The following GRHPR variants were observed in gnomAD, a reference collection of about 807,000 sequenced individuals.
GRHPR encodes the protein glyoxylate and hydroxypyruvate reductase.
GRHPR carries 35 observed loss-of-function variants against 36.8 expected under a neutral mutation model. That is an observed-to-expected ratio of 0.95 (90% CI 0.73 to 1.26). The LOEUF is 1.26. GRHPR is among the 50% of genes most tolerant of loss of function. The pLI is 0.00. For missense variants in GRHPR, 380 were observed against 435.0 expected (o/e 0.87, Z 1.12); for synonymous variants, 179 against 181.0 (o/e 0.99, Z 0.09).
chr9:37,426,464 A>C, intron 3 of GRHPR, 74 bp from the exon 4 acceptor site: 1 of 995,794 alleles, frequency 1.0e-6, no homozygotes, highest in Non-Finnish European at 1.6e-6. Flanking sequence ...AAGTAACTCC[A>C]TGGAAATGTC....
rs762313648 is a variant in GRHPR at position 37,430,579 on chromosome 9, G to T, written c.667G>T (p.Glu223Ter). The T allele has an allele frequency of 1.2e-6, 2 of 1,613,406 alleles. No homozygotes were observed. The highest frequency in any genetic ancestry group is 2.2e-5 in the East Asian group (1 of 44,892). Residue 223 changes from glutamate (E) to a stop codon, truncating the protein, a stop_gained, in exon 7 of 9, where the codon GAG becomes TAG. Transcript: ENST00000318158. LOFTEE classifies it high-confidence loss of function. ...VVACSLTPAT[E>*]GLCNKDFFQK... ...GGCCTGCTCCTTAACACCTGCAACC[G>T]AGGGACTCTGCAACAAGGACTTCTT...
intron 1 of GRHPR, among the ~76,000 whole-genome samples, chr9:37,423,396 T>C (rs921436576): frequency 6.6e-6 from 1 of 151,734 alleles, no homozygotes; most frequent in Non-Finnish European, 1.5e-5. Context: ...TGGTCTCAAA[T>C]TCCTGGGCTC....
chr9:37,436,859 C>A lies in GRHPR; in HGVS notation c.*77C>A. 1 of 1,497,628 alleles carries A rather than the reference C, an allele frequency of 6.7e-7. No individual in the cohort carries two copies. Among genetic ancestry groups the A allele is most frequent in the South Asian group, 1.1e-5 (1 of 88,320 alleles). The allele number at this position is 1,497,628 out of a possible 1,614,324, so 92.8% of individuals were successfully genotyped here. Reference sequence around the variant, plus strand: ...AGACACACCCAGGCTTGATTTGGATCCACAGGCAGAGCCAAGGGAAGGTGT... The same window carrying A: ...AGACACACCCAGGCTTGATTTGGATACACAGGCAGAGCCAAGGGAAGGTGT... On this transcript the variant is annotated 3_prime_UTR_variant, in exon 9 of 9. Transcript: ENST00000318158.
At chr9:37,423,713 ATCC>A (rs1822949694) in intron 1 of GRHPR, among the ~76,000 whole-genome samples, 1 of 151,806 alleles carries the variant, frequency 6.6e-6, no homozygotes, top group African/African-American at 2.4e-5. Context: ...GTACGAAGGG[ATCC>A]TCCCACCTCA....
At chr9:37,425,097 C>T in intron 2 of GRHPR, 122 bp downstream of exon 2, 1 of 1,004,638 alleles carries the variant, frequency 1.0e-6, no homozygotes, top group Non-Finnish European at 1.5e-6. Flanking sequence ...TCCTGCGATA[C>T]CAGGCCCGAG....
rs764744604 is a variant in GRHPR at position 37,424,983 on chromosome 9, C to T, written c.214+8C>T. On this transcript the variant is annotated splice_region_variant and intron_variant, in intron 2 of 8. Coordinates refer to ENST00000318158, the MANE Select transcript of GRHPR (RefSeq NM_012203.2). ...GGATCCTGGATGCTGCAGGTGCACACTGGGTGGGCAGGGGACTTGAGGGTG... is the reference window on the plus strand; with the variant it reads ...GGATCCTGGATGCTGCAGGTGCACATTGGGTGGGCAGGGGACTTGAGGGTG... The T allele has an allele frequency of 7.4e-6, 12 of 1,611,586 alleles. No individual in the cohort carries two copies. The highest frequency in any genetic ancestry group is 1.0e-5 in the Non-Finnish European group (12 of 1,179,672).
chr9:37,422,515 G>GCCC (rs1353604850), upstream of GRHPR, among the ~76,000 whole-genome samples: 1 of 133,856 alleles, frequency 7.5e-6, no homozygotes, highest in African/African-American at 2.5e-5. Context: ...GGCACGAGGC[G>GCCC]CACCCCCCCA....
intron 2 of GRHPR, among the ~76,000 whole-genome samples, chr9:37,425,464 G>A (rs953781098): frequency 3.3e-5 from 5 of 152,258 alleles, no homozygotes; most frequent in Non-Finnish European, 7.3e-5. Flanking sequence ...CTGCCAGATG[G>A]GAAGGGACCC....
chr9:37,437,267 A>AC (rs1211730880), downstream of GRHPR, among the ~76,000 whole-genome samples: 1 of 152,184 alleles, frequency 6.6e-6, no homozygotes, highest in African/African-American at 2.4e-5. Flanking sequence ...TTCAAAAAAA[A>AC]CTTTAAAAAT....
At chr9:37,434,451 G>T in intron 8 of GRHPR, 1 of 602,864 alleles carries the variant, frequency 1.7e-6, no homozygotes, top group South Asian at 2.3e-5. Flanking sequence ...GGGCCATGCA[G>T]GAATGCATGC....
At chr9:37,436,563 A>C (rs190343583) in intron 8 of GRHPR, 98 bp from the exon 9 acceptor site, 69 of 1,326,316 alleles carry the variant, frequency 5.2e-5, no homozygotes, top group Non-Finnish European at 6.9e-5. Context: ...GTCTCTCTTT[A>C]TTCTTCTTAC....
intron 1 of GRHPR, among the ~76,000 whole-genome samples, chr9:37,423,697 A>G (rs1483244013): frequency 6.6e-6 from 1 of 150,416 alleles, no homozygotes; most frequent in Non-Finnish European, 1.5e-5. Flanking sequence ...CTGGTCCTGA[A>G]CTCCTGTACG....
downstream of GRHPR, among the ~76,000 whole-genome samples, chr9:37,437,891 G>A (rs1823746900): frequency 6.6e-6 from 1 of 152,130 alleles, no homozygotes; most frequent in African/African-American, 2.4e-5. Flanking sequence ...GAGAGCAACT[G>A]GGTAGACTGA....
chr9:37,437,188 C>T (rs1823713180), downstream of GRHPR, among the ~76,000 whole-genome samples: 1 of 151,892 alleles, frequency 6.6e-6, no homozygotes, highest in African/African-American at 2.4e-5. Context: ...ATACCGTTTC[C>T]TGCAGTGTGC....
chr9:37,434,485 CAAG>C (rs1823539002), intron 8 of GRHPR: 3 of 552,826 alleles, frequency 5.4e-6, no homozygotes, highest in East Asian at 3.4e-5. Context: ...TCTTTGTCCC[CAAG>C]AAGGTGAGGC....
rs149782105 is a variant in GRHPR, at chr9:37,424,962, C to A, written c.201C>A (p.Ile67=). Residue 67 remains isoleucine (I), a synonymous_variant, in exon 2 of 9, where the codon ATC becomes ATA. Coordinates refer to ENST00000318158, the MANE Select transcript of GRHPR (RefSeq NM_012203.2). ...CLLSDHVDKR[I]LDAAGANLKV... ...TCTCCGACCACGTGGACAAGAGGATCCTGGATGCTGCAGGTGCACACTGGG... is the reference window on the plus strand; with the variant it reads ...TCTCCGACCACGTGGACAAGAGGATACTGGATGCTGCAGGTGCACACTGGG... The A allele has an allele frequency of 1.2e-6, 2 of 1,612,258 alleles. No individual in the cohort carries two copies. The highest frequency in any genetic ancestry group is 2.7e-5 in the African/African-American group (2 of 74,936).
downstream of GRHPR, chr9:37,439,034 T>C (rs537382906): frequency 5.3e-5 from 8 of 152,338 alleles, no homozygotes; most frequent in Non-Finnish European, 1.0e-4. Context: ...ACTGAATAAT[T>C]TATCTGATTT....
At chr9:37,434,218 T>C (rs1823522717) in intron 8 of GRHPR, 1 of 400,856 alleles carries the variant, frequency 2.5e-6, no homozygotes, top group Admixed American at 4.4e-5. Context: ...CAATCATTTG[T>C]GATGTAAAAA....
chr9:37,422,840 G>T lies in GRHPR; in HGVS notation c.83+7G>T, dbSNP rs1353191137. The T allele has an allele frequency of 1.9e-6, 3 of 1,579,800 alleles. No individual in the cohort carries two copies. In the African/African-American group the frequency reaches 4.0e-5, roughly 21 times the overall value. ...CGCTCGCCCGGGCGGCAGAGTAAGA[G>T]CCTCGCGCGCCGTGGAGGAGGGAGC... On this transcript the variant is annotated splice_region_variant and intron_variant, in intron 1 of 8. Transcript: ENST00000318158.
Sources: allele counts gnomAD v4.1 joint callset (sites outside exome capture counted in the v4.1 genomes callset), GRCh38; gene constraint gnomAD v4.1.1; transcripts MANE v1.5; gene names NCBI Gene and HGNC (gene_info 2026-07-23, HGNC 2026-07-21).